The following SNTG1 variants were observed in gnomAD, a reference collection of about 807,000 sequenced individuals.
SNTG1 encodes gamma-1-syntrophin.
In SNTG1, 39 loss-of-function variants were observed where a neutral mutation model predicts 74.7. That is an observed-to-expected ratio of 0.52 (90% CI 0.40 to 0.68). SNTG1 has a LOEUF of 0.68. Ranked by LOEUF, SNTG1 falls within the 30% of genes least tolerant of loss-of-function variation. The probability of loss-of-function intolerance (pLI) is 0.00; values close to 1 mark genes in which losing one functional copy is unlikely to be tolerated. For synonymous variants in SNTG1, 254 were observed against 217.1 expected, an observed-to-expected ratio of 1.17 and a Z score of -1.49; for missense variants, 685 against 609.5, an observed-to-expected ratio of 1.12 and a Z score of -1.30.
In SNTG1 at chr8:50,792,718, C is replaced by T; in HGVS notation, c.1443C>T (p.Ser481=). 2 of 1,612,292 alleles carry T rather than the reference C, an allele frequency of 1.2e-6. No individual in the cohort carries two copies. Among genetic ancestry groups the T allele is most frequent in the Non-Finnish European group, 1.7e-6 (2 of 1,178,842 alleles). Residue 481 remains serine, a synonymous_variant, in exon 19 of 19, where the codon TCC becomes TCT. Transcript: ENST00000642720. ...NLFAVLHCIH[S]FFAAKVACLD... is the part of the protein sequence containing the mutation. ...TTGCTGTTCTTCACTGCATTCATTC[C>T]TTCTTTGCTGCCAAGGTAGCTTGTT...
intron 1 of SNTG1, among the ~76,000 whole-genome samples, chr8:49,969,181 G>A (rs990364723): frequency 2.0e-4 from 31 of 152,012 alleles, no homozygotes; most frequent in African/African-American, 6.8e-4. Context: ...TTTTAATAAC[G>A]TGGTGAATAA....
rs538402185 is a variant in SNTG1, at chr8:50,512,008, C to T, written c.466+9128C>T. Among the ~76,000 whole-genome samples the T allele has an allele frequency of 1.7e-3, 260 of 152,086 alleles. 1 individual carries two copies. Among genetic ancestry groups the T allele is most frequent in the African/African-American group, 6.0e-3 (250 of 41,508 alleles). On this transcript the variant is annotated intron_variant, in intron 9 of 18. Coordinates refer to ENST00000642720, the MANE Select transcript of SNTG1 (RefSeq NM_018967.5). ...GTTAGTTGATGCAGTTTCTTCCTAG[C>T]CTCGATGGTCTTTACAATTTGGCAT...
intron 15 of SNTG1, among the ~76,000 whole-genome samples, chr8:50,677,001 T>A (rs1384721404): frequency 6.6e-6 from 1 of 151,938 alleles, no homozygotes; most frequent in Non-Finnish European, 1.5e-5. Flanking sequence ...AATTCACACA[T>A]ATACAAAATA....
chr8:50,091,923 G>T (rs1351387370), intron 1 of SNTG1, among the ~76,000 whole-genome samples: 1 of 151,994 alleles, frequency 6.6e-6, no homozygotes, highest in Non-Finnish European at 1.5e-5. Context: ...TAGGACTTCT[G>T]CTGAGTGAGA....
chr8:50,745,520 T>G (rs1330763589), intron 17 of SNTG1, among the ~76,000 whole-genome samples: 1 of 152,000 alleles, frequency 6.6e-6, no homozygotes, highest in African/African-American at 2.4e-5. Context: ...AAGTTGAACA[T>G]AAGTTACCAT....
chr8:50,442,680 T>TAAAAAAAAAAAA (rs5891365), intron 5 of SNTG1, among the ~76,000 whole-genome samples: 47 of 81,166 alleles, frequency 5.8e-4, no homozygotes, highest in African/African-American at 1.5e-3. Flanking sequence ...TGTCTATCAG[T>TAAAAAAAAAAAA]AAAAAAAAAA....
At chr8:50,004,914 G>GT (rs1815072370) in intron 1 of SNTG1, among the ~76,000 whole-genome samples, 1 of 152,138 alleles carries the variant, frequency 6.6e-6, no homozygotes, top group South Asian at 2.1e-4. Context: ...GTTGGTGTTT[G>GT]TAAGATTATT....
At chr8:49,940,988 TGGAACAGCCCTTGCCATTTAGAGATG>T (rs1454851806) in intron 1 of SNTG1, among the ~76,000 whole-genome samples, 1 of 152,158 alleles carries the variant, frequency 6.6e-6, no homozygotes, top group Non-Finnish European at 1.5e-5. Context: ...AAGGCACTGT[TGGAACAGCCCTTGCCATTTAGAGATG>T]GGAACGTGGA....
intron 12 of SNTG1, among the ~76,000 whole-genome samples, chr8:50,574,963 G>T (rs2094568793): frequency 6.6e-6 from 1 of 152,090 alleles, no homozygotes. Flanking sequence ...TCACATTAAT[G>T]GTTTTAATCT....
At chr8:50,103,231 T>C (rs2131249823) in intron 1 of SNTG1, among the ~76,000 whole-genome samples, 1 of 152,334 alleles carries the variant, frequency 6.6e-6, no homozygotes, top group South Asian at 2.1e-4. Context: ...CCTCTTTTAT[T>C]TCATTGAGCA....
intron 17 of SNTG1, among the ~76,000 whole-genome samples, chr8:50,734,808 G>GATATCTATATATATGGACATATAT (rs1421100539): frequency 1.5e-4 from 8 of 52,186 alleles, no homozygotes; most frequent in East Asian, 1.0e-3. Context: ...CATATATATA[G>GATATCTATATATATGGACATATAT]ATATCTATAT....
chr8:50,219,750 A>G (rs767121298), intron 2 of SNTG1, among the ~76,000 whole-genome samples: 1 of 152,128 alleles, frequency 6.6e-6, no homozygotes, highest in Admixed American at 6.5e-5. Flanking sequence ...ATCCTCCAAC[A>G]TTGGGGGTTG....
intron 17 of SNTG1, among the ~76,000 whole-genome samples, chr8:50,731,599 T>C (rs543046253): frequency 6.6e-6 from 1 of 152,200 alleles, no homozygotes; most frequent in East Asian, 1.9e-4. Context: ...TCTAACAGCT[T>C]ACTCAACACT....
chr8:50,671,243 T>A (rs1301551697), intron 15 of SNTG1, among the ~76,000 whole-genome samples: 4,685 of 150,762 alleles, frequency 0.031, 237 homozygotes, highest in African/African-American at 0.11. Context: ...AACTACCATC[T>A]GAGTGAACAG....
chr8:50,603,717 C>A (rs2094792144), intron 13 of SNTG1, among the ~76,000 whole-genome samples: 1 of 152,156 alleles, frequency 6.6e-6, no homozygotes, highest in South Asian at 2.1e-4. Context: ...GTGATTCTTG[C>A]AGACTCATAG....
intron 1 of SNTG1, among the ~76,000 whole-genome samples, chr8:49,925,846 G>T (rs919384360): frequency 2.0e-5 from 3 of 152,100 alleles, no homozygotes; most frequent in African/African-American, 7.2e-5. Flanking sequence ...AGGACATTTA[G>T]GTTGCTTTCA....
intron 2 of SNTG1, among the ~76,000 whole-genome samples, chr8:50,327,394 A>G (rs1347793815): frequency 6.6e-6 from 1 of 152,126 alleles, no homozygotes; most frequent in African/African-American, 2.4e-5. Flanking sequence ...TAGAGAGCTA[A>G]TCCCTTTACT....
intron 15 of SNTG1, among the ~76,000 whole-genome samples, chr8:50,696,086 A>C (rs2095404023): frequency 1.3e-5 from 2 of 152,036 alleles, no homozygotes; most frequent in Admixed American, 1.3e-4. Context: ...TTCCACCAAC[A>C]GTGTATAAGC....
chr8:50,301,468 A>G (rs1185362606), intron 2 of SNTG1, among the ~76,000 whole-genome samples: 1 of 152,116 alleles, frequency 6.6e-6, no homozygotes, highest in Admixed American at 6.6e-5. Context: ...ATTTATCATC[A>G]TCATACTGTC....
Sources: allele counts gnomAD v4.1 joint callset (sites outside exome capture counted in the v4.1 genomes callset), GRCh38; gene constraint gnomAD v4.1.1; transcripts MANE v1.5; gene names NCBI Gene and HGNC (gene_info 2026-07-23, HGNC 2026-07-21).